ANKRD31: variants seen among roughly 807,000 people sequenced by gnomAD.
The protein encoded by ANKRD31 is ankyrin repeat domain 31.
Under a neutral mutation model 186.0 loss-of-function variants are expected in ANKRD31, and 147 were observed. The observed-to-expected ratio is 0.79, with a 90% CI of 0.69 to 0.91. The LOEUF is 0.91. Among genes scored for constraint, ANKRD31 ranks in the 40% least tolerant of loss-of-function variants. The pLI is 0.00. For synonymous variants in ANKRD31, 673 were observed against 736.4 expected, an observed-to-expected ratio of 0.91 and a Z score of 1.39; for missense variants, 1,986 against 2,148.8, an observed-to-expected ratio of 0.92 and a Z score of 1.50.
chr5:75,231,375 C>T (rs1757942363), intron 1 of ANKRD31, among the ~76,000 whole-genome samples: 2 of 151,912 alleles, frequency 1.3e-5, no homozygotes, highest in Admixed American at 1.3e-4. Context: ...CACACCTGGC[C>T]CAGAATTCCT....
Position 75,180,636 on chromosome 5 carries a change from G to C in ANKRD31, c.1564+7857C>G, listed in dbSNP as rs540953366. On this transcript the variant is annotated intron_variant, in intron 10 of 25. Coordinates refer to ENST00000506364, the MANE Select transcript of ANKRD31 (RefSeq NM_001372053.1). ...CTGACAAAAATAAGAAATGGGGAAA[G>C]GATTCCCTATTTAATAAATGGTGCT... is the stretch of plus-strand genomic sequence containing the variant. 8.2e-4 allele frequency among the ~76,000 whole-genome samples: 125 copies of C among 152,240 alleles called. 1 individual carries two copies. The highest frequency in any genetic ancestry group is 7.4e-4 in the Non-Finnish European group (50 of 68,024).
At position 75,178,545 on chromosome 5, in the gene ANKRD31, C is replaced by T. The variant is rs576022820; in HGVS notation, c.1565-9424G>A. On this transcript the variant is annotated intron_variant, in intron 10 of 25. Transcript: ENST00000506364. ...TTATAACAAACTGTCTCTCAGACCA[C>T]AGTGTAATCAAACTAGAACTCAGGA... 2.0e-5 allele frequency among the ~76,000 whole-genome samples: 3 copies of T among 152,264 alleles called. No individual in the cohort carries two copies. In the East Asian group the frequency reaches 5.8e-4, roughly 29 times the overall value.
chr5:75,159,411 C>G (rs1463350469), intron 11 of ANKRD31, among the ~76,000 whole-genome samples: 1 of 151,768 alleles, frequency 6.6e-6, no homozygotes. Flanking sequence ...AAAAGATAAA[C>G]AAAAGGGATA....
chr5:75,231,220 C>T (rs917564001), intron 1 of ANKRD31, among the ~76,000 whole-genome samples: 1 of 151,896 alleles, frequency 6.6e-6, no homozygotes, highest in African/African-American at 2.4e-5. Context: ...CAGGTGTGCA[C>T]CACCATGCCT....
At chr5:75,201,870 T>C (rs1232609655) in intron 5 of ANKRD31, among the ~76,000 whole-genome samples, 1 of 152,222 alleles carries the variant, frequency 6.6e-6, no homozygotes, top group Non-Finnish European at 1.5e-5. Context: ...TTCATCTGCA[T>C]GATAAAACTT....
intron 22 of ANKRD31, among the ~76,000 whole-genome samples, chr5:75,102,473 G>A (rs1468349270): frequency 1.3e-5 from 2 of 152,236 alleles, no homozygotes; most frequent in South Asian, 2.1e-4. Flanking sequence ...AGACAGGGAC[G>A]TTTAAGTCTG....
chr5:75,157,710 G>C (rs774116675), intron 11 of ANKRD31, among the ~76,000 whole-genome samples: 13 of 152,136 alleles, frequency 8.5e-5, no homozygotes, highest in Non-Finnish European at 1.8e-4. Context: ...ATGAATCCCT[G>C]ATCTATGAAA....
intron 17 of ANKRD31, among the ~76,000 whole-genome samples, chr5:75,127,899 T>C (rs745974582): frequency 3.3e-5 from 5 of 152,220 alleles, no homozygotes; most frequent in Non-Finnish European, 5.9e-5. Context: ...TTTGATATAA[T>C]GATAAATGGT....
chr5:75,113,654 T>A (rs1322271538), intron 19 of ANKRD31, among the ~76,000 whole-genome samples: 1 of 152,218 alleles, frequency 6.6e-6, no homozygotes, highest in Non-Finnish European at 1.5e-5. Context: ...TTCTGAAGTA[T>A]GTTGCCCTGA....
chr5:75,148,576 C>T lies in ANKRD31; in HGVS notation c.1905G>A (p.Lys635=), dbSNP rs1751636388. The T allele has an allele frequency of 2.6e-6, 4 of 1,515,012 alleles. No homozygotes were observed. The Admixed American group carries it at 6.1e-5, about 23-fold the overall frequency. The allele number at this position is 1,515,012 out of a possible 1,614,324, so 93.8% of individuals were successfully genotyped here. A position where few individuals can be genotyped will look rare whatever the true frequency, so the allele number is the denominator to read the frequency against. ...PLDIEDVYQH[K]KPKFSSKSHI... ...TGTTTATTACTAAACATAGATATACCTTGTGTTGGTACACATCCTCTATGT... is the reference window on the plus strand; with the variant it reads ...TGTTTATTACTAAACATAGATATACTTTGTGTTGGTACACATCCTCTATGT... The change falls in exon 13 of 26, where the codon AAG becomes AAA. Residue 635 remains lysine, a splice_region_variant and synonymous_variant. Transcript: ENST00000506364.
chr5:75,126,678 G>A (rs1414874602), intron 17 of ANKRD31, among the ~76,000 whole-genome samples: 2 of 152,126 alleles, frequency 1.3e-5, no homozygotes, highest in Non-Finnish European at 2.9e-5. Context: ...GTTTTTCCAA[G>A]TGTACCATTT....
chr5:75,153,325 A>G (rs1384517016), intron 12 of ANKRD31, among the ~76,000 whole-genome samples: 1 of 152,114 alleles, frequency 6.6e-6, no homozygotes, highest in African/African-American at 2.4e-5. Flanking sequence ...GAGATAAAAC[A>G]TGTTTGTTGT....
At chr5:75,206,184 A>T (rs1419912941) in intron 5 of ANKRD31, among the ~76,000 whole-genome samples, 2 of 137,056 alleles carry the variant, frequency 1.5e-5, no homozygotes, top group African/African-American at 5.3e-5. Context: ...GTCAAAGCTA[A>T]TCTGAGCAAC....
intron 2 of ANKRD31, among the ~76,000 whole-genome samples, chr5:75,224,129 T>TTATTTATATATATATA (rs1757468518): frequency 9.5e-6 from 1 of 105,752 alleles, no homozygotes; most frequent in Non-Finnish European, 1.9e-5. Context: ...TCAGAAATAA[T>TTATTTATATATATATA]TATATATATA....
At chr5:75,132,941 C>G (rs1005127925) in intron 17 of ANKRD31, among the ~76,000 whole-genome samples, 2 of 152,128 alleles carry the variant, frequency 1.3e-5, no homozygotes, top group African/African-American at 2.4e-5. Context: ...GAAATAAAAT[C>G]CTTCACAGAC....
At chr5:75,111,220 GA>G (rs1473964112) in intron 20 of ANKRD31, among the ~76,000 whole-genome samples, 2 of 151,698 alleles carry the variant, frequency 1.3e-5, no homozygotes, top group East Asian at 1.9e-4. Context: ...AAAATGTGGG[GA>G]GGGGGGCCTG....
At chr5:75,193,176 TAAA>T in intron 8 of ANKRD31, 132 bp downstream of exon 8, 1 of 1,124,972 alleles carries the variant, frequency 8.9e-7, no homozygotes, top group Non-Finnish European at 1.2e-6. Flanking sequence ...AACTGCAAAA[TAAA>T]AAAGCAATAA....
intron 4 of ANKRD31, 149 bp from the exon 5 acceptor site, chr5:75,206,636 A>G (rs954086856): frequency 5.5e-6 from 2 of 363,052 alleles, no homozygotes; most frequent in African/African-American, 4.2e-5. Flanking sequence ...TTTTACAATT[A>G]TTACCAATTT....
In ANKRD31 at chr5:75,195,965, A is replaced by G. The variant is rs1755441315; in HGVS notation, c.683T>C (p.Leu228Pro). 6.5e-7 allele frequency: 1 copy of G among 1,532,196 alleles called. No homozygotes were observed. Among genetic ancestry groups the G allele is most frequent in the Non-Finnish European group, 8.7e-7 (1 of 1,144,590 alleles). 94.9% of individuals were successfully genotyped at this position (1,532,196 alleles called of 1,614,324 possible). A position where few individuals can be genotyped will look rare whatever the true frequency, so the allele number is the denominator to read the frequency against. ...ETFVSALESL[L>P]TSPESTQEER... ...CTCCTGGGTGCTTTCTGGTGATGTAAGTAAACTTTCTAAGGCAGACACAAA... is the reference window on the plus strand; with the variant it reads ...CTCCTGGGTGCTTTCTGGTGATGTAGGTAAACTTTCTAAGGCAGACACAAA... The change falls in exon 7 of 26, where the codon CTT becomes CCT. Residue 228 changes from leucine to proline, a missense_variant. Leu to Pro is a moderately conservative substitution (Grantham distance 98, BLOSUM62 -3). Coordinates refer to ENST00000506364, the MANE Select transcript of ANKRD31 (RefSeq NM_001372053.1).
Sources: gnomAD v4.1 joint callset for allele counts (sites outside exome capture counted in the v4.1 genomes callset) on GRCh38, gnomAD v4.1.1 for gene constraint, MANE v1.5 for transcripts, NCBI Gene and HGNC (gene_info 2026-07-23, HGNC 2026-07-21) for gene names.